Variants in ZNF341 observed in about 807,000 individuals in gnomAD.
ZNF341 encodes zinc finger protein 341.
A neutral mutation model predicts 87.7 loss-of-function variants in ZNF341; 52 were observed. That is an observed-to-expected ratio of 0.59 (90% CI 0.47 to 0.75). ZNF341 has a LOEUF of 0.75. Among genes scored for constraint, ZNF341 ranks in the 30% least tolerant of loss-of-function variants. The pLI, the probability that ZNF341 is intolerant of heterozygous loss-of-function variation, is 0.00. For missense variants in ZNF341, 977 were observed against 1,145.9 expected (o/e 0.85, Z 2.13); for synonymous variants, 459 against 472.7 (o/e 0.97, Z 0.38).
intron 10 of ZNF341, among the ~76,000 whole-genome samples, chr20:33,770,793 G>A (rs2019515211): frequency 6.6e-6 from 1 of 152,072 alleles, no homozygotes. Context: ...GCAACATAAT[G>A]AGACCCCATC....
Position 33,791,376 on chromosome 20 carries a change from G to T in ZNF341, c.2424G>T (p.Ala808=), listed in dbSNP as rs140566101. Residue 808 remains alanine (A), a synonymous_variant, in exon 15 of 15, where the codon GCG becomes GCT. Coordinates refer to ENST00000375200, the MANE Select transcript of ZNF341 (RefSeq NM_001282933.2). ...TGCTGTCCATCGTTGTGGGTGGTGC[G>T]GTGGGCGCGGAAACTGAGCTGGTGG... ...DAVLSIVVGG[A]VGAETELVVP... The T allele has an allele frequency of 3.0e-5, 48 of 1,612,654 alleles. No individual in the cohort carries two copies. The highest frequency in any genetic ancestry group is 3.3e-4 in the Middle Eastern group (2 of 6,020).
chr20:33,766,814 C>T (rs45498200), intron 8 of ZNF341, 37 bp from the exon 9 acceptor site: 134 of 1,566,266 alleles, frequency 8.6e-5, no homozygotes, highest in African/African-American at 1.1e-4. Context: ...CTGAATGGGC[C>T]GGCTCCTTGT....
rs75753012 is a variant in ZNF341, at chr20:33,732,879, G to A, written c.31+827G>A. Among the ~76,000 whole-genome samples the A allele has an allele frequency of 0.021, 3,185 of 152,276 alleles. 108 individuals carry two copies. Among genetic ancestry groups the A allele is most frequent in the African/African-American group, 0.072 (2,995 of 41,540 alleles). The stretch of plus-strand genomic sequence containing the variant: ...GGAGGAAGGGCAGCCTTAGCGACTC[G>A]GGGCCATGGCGCAGAATAGATATTG... On this transcript the variant is annotated intron_variant, in intron 1 of 14. Transcript: ENST00000375200. The surrounding 1 kb of genome is among the most constrained non-coding windows in gnomAD (Gnocchi z 4.5).
rs76963606 is a variant in ZNF341, at chr20:33,745,097, C to T, written c.143-6C>T. 582 of 1,607,658 alleles carry T rather than the reference C, an allele frequency of 3.6e-4. 3 individuals carry two copies. In the East Asian group the frequency reaches 0.013, roughly 35 times the overall value. ...TCTTCCCACTACTCTGCGGGTATGA[C>T]CCCAGATGACGAGGATGTATTTCTC... On this transcript the variant is annotated splice_region_variant and splice_polypyrimidine_tract_variant and intron_variant, in intron 2 of 14. Coordinates refer to ENST00000375200, the MANE Select transcript of ZNF341 (RefSeq NM_001282933.2).
Position 33,732,030 on chromosome 20 carries a change from G to A in ZNF341, c.9G>A (p.Gln3=). 2 of 1,412,912 alleles carry A rather than the reference G, an allele frequency of 1.4e-6. No homozygotes were observed. The highest frequency in any genetic ancestry group is 1.9e-6 in the Non-Finnish European group (2 of 1,078,120). The allele number at this position is 1,412,912 out of a possible 1,614,324, so 87.5% of individuals were successfully genotyped here. ...ACGGCGGCGGCTCCAAGATGGCGCA[G>A]GCGATCTTTGAGGCCCTGGAGGGTG... MA[Q]AIFEALEGMD... Residue 3 remains glutamine (Q), a synonymous_variant, in exon 1 of 15, where the codon CAG becomes CAA. Coordinates refer to ENST00000375200, the MANE Select transcript of ZNF341 (RefSeq NM_001282933.2). The surrounding 1 kb of genome is among the most constrained non-coding windows in gnomAD (Gnocchi z 4.5).
At position 33,791,136 on chromosome 20, in the gene ZNF341, T is replaced by C; in HGVS notation, c.2184T>C (p.Asp728=). The change falls in exon 15 of 15, where the codon GAT becomes GAC. Residue 728 remains aspartate, a synonymous_variant. Coordinates refer to ENST00000375200, the MANE Select transcript of ZNF341 (RefSeq NM_001282933.2). ...TTTCCCGCCACAAATACCTCAAAGA[T>C]CACCGCTGTCGTCTCGGCCCCCAAA... The part of the protein sequence containing the change: ...KGFSRHKYLK[D]HRCRLGPQKD... The C allele has an allele frequency of 6.2e-7, 1 of 1,613,198 alleles. No individual in the cohort carries two copies. The highest frequency in any genetic ancestry group is 2.2e-5 in the East Asian group (1 of 44,864).
intron 6 of ZNF341, among the ~76,000 whole-genome samples, chr20:33,757,678 T>C (rs983439052): frequency 5.3e-5 from 8 of 152,136 alleles, no homozygotes; most frequent in Admixed American, 6.6e-5. Flanking sequence ...ACTTTAATAT[T>C]CCAGGCAGTA....
chr20:33,768,245 CCT>C (rs1370231037), intron 9 of ZNF341, among the ~76,000 whole-genome samples: 1 of 152,060 alleles, frequency 6.6e-6, no homozygotes, highest in African/African-American at 2.4e-5. Context: ...GCCTCAGCCT[CCT>C]GAGTAGCTGG....
intron 8 of ZNF341, among the ~76,000 whole-genome samples, chr20:33,764,561 A>ATATATATTTTT (rs1266929824): frequency 3.5e-5 from 1 of 28,412 alleles, no homozygotes; most frequent in African/African-American, 1.1e-4. Flanking sequence ...ATATATATAT[A>ATATATATTTTT]TTTTTTTTTT....
At chr20:33,789,673 A>C in intron 14 of ZNF341, 85 bp downstream of exon 14, 1 of 1,447,874 alleles carries the variant, frequency 6.9e-7, no homozygotes, top group Non-Finnish European at 9.6e-7. Context: ...AAGAGCAGAC[A>C]TATCCTGTGA....
rs530796676 is a variant in ZNF341 at position 33,740,961 on chromosome 20, C to T, written c.91C>T (p.Pro31Ser). The T allele has an allele frequency of 2.2e-5, 36 of 1,614,176 alleles. No homozygotes were observed. In the African/African-American group the frequency reaches 3.7e-4, roughly 17 times the overall value. ...ATTATTGGATGGCCAAGGAGCAGTC[C>T]CTGATCCGACAGGCCAGAGTGTCAA... ...QSLLDGQGAV[P>S]DPTGQSVNAP... Residue 31 changes from proline (P) to serine (S), a missense_variant, in exon 2 of 15, where the codon CCT becomes TCT. By Grantham distance (74) the Pro-to-Ser change is moderately conservative. Coordinates refer to ENST00000375200, the MANE Select transcript of ZNF341 (RefSeq NM_001282933.2).
chr20:33,734,918 C>T (rs1465637364), intron 1 of ZNF341, among the ~76,000 whole-genome samples: 1 of 152,018 alleles, frequency 6.6e-6, no homozygotes, highest in East Asian at 1.9e-4. Flanking sequence ...GTTGGCCAGG[C>T]TGGTCTCAAA....
Position 33,791,157 on chromosome 20 carries a change from C to A in ZNF341, c.2205C>A (p.Pro735=), listed in dbSNP as rs753182939. 1 of 1,613,152 alleles carries A rather than the reference C, an allele frequency of 6.2e-7. No individual in the cohort carries two copies. The highest frequency in any genetic ancestry group is 1.1e-5 in the South Asian group (1 of 91,092). ...AAGATCACCGCTGTCGTCTCGGCCC[C>A]CAAAAGGACAAGGACCTGCAAACCC... ...YLKDHRCRLG[P]QKDKDLQTRR... Residue 735 remains proline (P), a synonymous_variant, in exon 15 of 15, where the codon CCC becomes CCA. Transcript: ENST00000375200.
At chr20:33,759,505 A>G (rs2019249875) in intron 7 of ZNF341, among the ~76,000 whole-genome samples, 1 of 152,082 alleles carries the variant, frequency 6.6e-6, no homozygotes, top group African/African-American at 2.4e-5. Flanking sequence ...GCTGGTCTTG[A>G]ACTCCCAACC....
chr20:33,770,327 C>CGGGGGGGGGG, intron 10 of ZNF341, 35 bp downstream of exon 10: 1 of 395,428 alleles, frequency 2.5e-6, no homozygotes. Flanking sequence ...CCTGGGTGGA[C>CGGGGGGGGGG]GGGTGGGTGG....
intron 10 of ZNF341, among the ~76,000 whole-genome samples, chr20:33,780,108 C>T (rs1247592737): frequency 2.6e-5 from 4 of 151,930 alleles, no homozygotes; most frequent in Non-Finnish European, 5.9e-5. Flanking sequence ...GCCAGGAGGG[C>T]CTCTTTGGGG....
At chr20:33,770,423 C>CT in intron 10 of ZNF341, 131 bp downstream of exon 10, 1 of 919,902 alleles carries the variant, frequency 1.1e-6, no homozygotes, top group Non-Finnish European at 1.6e-6. Context: ...AGGCTCCTGG[C>CT]TGGGGTCCAG....
intron 8 of ZNF341, among the ~76,000 whole-genome samples, chr20:33,766,085 A>G (rs748818490): frequency 2.0e-5 from 3 of 151,936 alleles, no homozygotes; most frequent in Non-Finnish European, 2.9e-5. Flanking sequence ...GGGTTTCACC[A>G]TGTTGGCCAG....
intron 10 of ZNF341, among the ~76,000 whole-genome samples, chr20:33,780,292 G>T (rs2019714643): frequency 6.6e-6 from 1 of 152,196 alleles, no homozygotes; most frequent in Non-Finnish European, 1.5e-5. Context: ...AGTGAGTGAG[G>T]TGGAGAAAGG....
Sources: gnomAD v4.1 joint callset for allele counts (sites outside exome capture counted in the v4.1 genomes callset) on GRCh38, gnomAD v4.1.1 for gene constraint, Gnocchi (gnomAD v3.1) non-coding constraint, MANE v1.5 for transcripts, NCBI Gene and HGNC (gene_info 2026-07-23, HGNC 2026-07-21) for gene names.